ADGRA3: variants seen among roughly 807,000 people sequenced by gnomAD.
ADGRA3 encodes adhesion G protein-coupled receptor A3, also known as G-protein coupled receptor 125.
In ADGRA3, 56 loss-of-function variants were observed where a neutral mutation model predicts 119.8. The observed-to-expected ratio is 0.47, with a 90% confidence interval of 0.38 to 0.58. The LOEUF is 0.58. ADGRA3 is among the 20% of genes least tolerant of loss of function. The pLI, the probability that ADGRA3 is intolerant of heterozygous loss-of-function variation, is 0.00. For missense variants in ADGRA3, 1,516 were observed against 1,649.0 expected (o/e 0.92, Z 1.40); for synonymous variants, 607 against 623.8 (o/e 0.97, Z 0.40).
intron 5 of ADGRA3, among the ~76,000 whole-genome samples, chr4:22,445,447 A>G (rs762226361): frequency 1.9e-4 from 29 of 152,210 alleles, no homozygotes; most frequent in Admixed American, 1.4e-3. Context: ...ACCAAATCCC[A>G]TTCCTTTTTG....
intron 1 of ADGRA3, among the ~76,000 whole-genome samples, chr4:22,475,238 G>A (rs1444272069): frequency 4.6e-5 from 7 of 152,084 alleles, no homozygotes; most frequent in South Asian, 2.1e-4. Flanking sequence ...TCTACCTCAC[G>A]AACAGTAGAA....
At position 22,435,308 on chromosome 4, in the gene ADGRA3, T is replaced by C. The variant is rs750902037; in HGVS notation, c.1443+3A>G. On this transcript the variant is annotated splice_donor_region_variant and intron_variant, in intron 10 of 18. Transcript: ENST00000334304. ...TGCTACAAATCTGAATTTAGAGAAG[T>C]ACCTCTTTTGATTTTTCCTCCTTGG... 6.2e-7 allele frequency: 1 copy of C among 1,609,506 alleles called. No homozygotes were observed. The highest frequency in any genetic ancestry group is 1.1e-5 in the South Asian group (1 of 90,904).
In ADGRA3 at chr4:22,487,702, T is replaced by C. The variant is rs138568791; in HGVS notation, c.258-13859A>G. On this transcript the variant is annotated intron_variant, in intron 1 of 18. Transcript: ENST00000334304. ...AGAGCAGGACAAGAGTTTGAATACA[T>C]AGCCTCTCCAAAAAGCTCTTTGGCC... 4.0e-3 allele frequency among the ~76,000 whole-genome samples: 610 copies of C among 152,320 alleles called. 4 individuals carry two copies. Among genetic ancestry groups the C allele is most frequent in the African/African-American group, 0.014 (570 of 41,574 alleles).
chr4:22,487,773 T>C (rs1335018501), intron 1 of ADGRA3, among the ~76,000 whole-genome samples: 3 of 152,204 alleles, frequency 2.0e-5, no homozygotes, highest in African/African-American at 7.2e-5. Context: ...CCATTCTAAA[T>C]TGAAGATGCT....
intron 14 of ADGRA3, 60 bp from the exon 15 acceptor site, chr4:22,402,859 A>AT (rs1714729374): frequency 1.9e-6 from 3 of 1,539,970 alleles, no homozygotes; most frequent in Non-Finnish European, 1.8e-6. Context: ...AACTACTGAG[A>AT]TTTTTTTGAG....
intron 12 of ADGRA3, chr4:22,414,095 T>C: frequency 3.4e-6 from 1 of 296,348 alleles, no homozygotes; most frequent in South Asian, 5.6e-5. Context: ...TCCCATGATA[T>C]TATATGTTGA....
intron 16 of ADGRA3, among the ~76,000 whole-genome samples, chr4:22,399,943 T>C (rs1156371241): frequency 6.6e-6 from 1 of 152,226 alleles, no homozygotes; most frequent in Non-Finnish European, 1.5e-5. Flanking sequence ...TTTCCATTTA[T>C]TTAGGTCTTC....
chr4:22,461,924 T>C (rs1006473009), intron 2 of ADGRA3, 116 bp from the exon 3 acceptor site: 2 of 575,474 alleles, frequency 3.5e-6, no homozygotes, highest in Non-Finnish European at 2.9e-6. Context: ...AGGAGGAAAC[T>C]GAAGCCAAAA....
chr4:22,401,323 A>G (rs912017440), intron 16 of ADGRA3, 108 bp downstream of exon 16: 21 of 954,076 alleles, frequency 2.2e-5, no homozygotes, highest in African/African-American at 3.4e-5. Flanking sequence ...TTTAACTTTA[A>G]TCAGTTAAAG....
chr4:22,474,842 T>G (rs889931109), intron 1 of ADGRA3, among the ~76,000 whole-genome samples: 1 of 152,142 alleles, frequency 6.6e-6, no homozygotes, highest in Non-Finnish European at 1.5e-5. Context: ...TTGCATAACT[T>G]TCAGGGGCAC....
intron 2 of ADGRA3, among the ~76,000 whole-genome samples, chr4:22,470,498 C>T (rs118129774): frequency 2.0e-5 from 3 of 152,288 alleles, no homozygotes; most frequent in East Asian, 1.9e-4. Context: ...AAAATCCTAA[C>T]CTTTATTCTG....
intron 3 of ADGRA3, among the ~76,000 whole-genome samples, chr4:22,457,594 C>T (rs867547574): frequency 6.6e-6 from 1 of 152,122 alleles, no homozygotes; most frequent in Non-Finnish European, 1.5e-5. Flanking sequence ...GACTACTTAA[C>T]GTGTAACACA....
intron 11 of ADGRA3, among the ~76,000 whole-genome samples, chr4:22,422,697 A>C (rs528175046): frequency 1.3e-5 from 2 of 152,160 alleles, no homozygotes; most frequent in African/African-American, 2.4e-5. Flanking sequence ...AATTCCTACT[A>C]TGACCTTTAT....
At chr4:22,451,823 G>A (rs1390491702) in intron 4 of ADGRA3, among the ~76,000 whole-genome samples, 1 of 152,128 alleles carries the variant, frequency 6.6e-6, no homozygotes, top group Non-Finnish European at 1.5e-5. Context: ...TCTTTCAGGT[G>A]GGAAACAGTA....
chr4:22,391,265 CAAGA>C (rs1375979668), intron 17 of ADGRA3, among the ~76,000 whole-genome samples: 1 of 152,072 alleles, frequency 6.6e-6, no homozygotes, highest in Non-Finnish European at 1.5e-5. Context: ...AAACATTCCA[CAAGA>C]AAGTACTGAG....
chr4:22,393,898 G>A (rs1186656528), intron 16 of ADGRA3: 1 of 152,090 alleles, frequency 6.6e-6, no homozygotes, highest in Non-Finnish European at 1.5e-5. Flanking sequence ...TAGGATAACT[G>A]CAATATATGC....
intron 11 of ADGRA3, among the ~76,000 whole-genome samples, chr4:22,423,866 T>C (rs932718852): frequency 2.0e-5 from 3 of 152,188 alleles, no homozygotes; most frequent in African/African-American, 7.2e-5. Flanking sequence ...GTGGATTAGA[T>C]GGTGATAAAC....
At chr4:22,454,758 T>C (rs10003859) in intron 4 of ADGRA3, 108 bp downstream of exon 4, 2 of 792,952 alleles carry the variant, frequency 2.5e-6, no homozygotes, top group Admixed American at 2.1e-5. Flanking sequence ...ATGGCTTCTA[T>C]AACCCCTACA....
chr4:22,419,366 A>C (rs1446424807), intron 12 of ADGRA3, among the ~76,000 whole-genome samples: 1 of 152,228 alleles, frequency 6.6e-6, no homozygotes, highest in Non-Finnish European at 1.5e-5. Context: ...CATTAACATT[A>C]GAATTTTTAA....
Sources: allele counts gnomAD v4.1 joint callset (sites outside exome capture counted in the v4.1 genomes callset), GRCh38; gene constraint gnomAD v4.1.1; transcripts MANE v1.5; gene names NCBI Gene and HGNC (gene_info 2026-07-23, HGNC 2026-07-21).